GRIK1: variants seen among roughly 807,000 people sequenced by gnomAD.
The protein encoded by GRIK1 is glutamate ionotropic receptor kainate type subunit 1.
A neutral mutation model predicts 105.7 loss-of-function variants in GRIK1; 69 were observed. That is an observed-to-expected ratio of 0.65 (90% CI 0.54 to 0.80). GRIK1 has a LOEUF of 0.80. Ranked by LOEUF, GRIK1 falls within the 30% of genes least tolerant of loss-of-function variation. GRIK1 has a pLI of 0.00. For synonymous variants in GRIK1, 438 were observed against 431.3 expected, an observed-to-expected ratio of 1.02 and a Z score of -0.19; for missense variants, 1,109 against 1,167.3, an observed-to-expected ratio of 0.95 and a Z score of 0.73.
At chr21:29,809,669 C>T (rs2066957701) in intron 1 of GRIK1, among the ~76,000 whole-genome samples, 1 of 152,200 alleles carries the variant, frequency 6.6e-6, no homozygotes, top group Non-Finnish European at 1.5e-5. Flanking sequence ...TTTTCTCTTG[C>T]ATTCACAACT....
intron 1 of GRIK1, among the ~76,000 whole-genome samples, chr21:29,855,500 C>T (rs1019069292): frequency 6.6e-6 from 1 of 152,142 alleles, no homozygotes; most frequent in Non-Finnish European, 1.5e-5. Context: ...GAAATAAGCC[C>T]AGCATCTTAG....
At chr21:29,735,846 C>CA (rs34778018) in intron 1 of GRIK1, among the ~76,000 whole-genome samples, 20 of 101,260 alleles carry the variant, frequency 2.0e-4, no homozygotes, top group Non-Finnish European at 2.7e-4. Context: ...GACTCCGTCT[C>CA]AAAAAAAAAA....
At chr21:29,562,301 C>G (rs1262103259) in intron 14 of GRIK1, among the ~76,000 whole-genome samples, 1 of 152,172 alleles carries the variant, frequency 6.6e-6, no homozygotes, top group Non-Finnish European at 1.5e-5. Flanking sequence ...CTGTCATTCA[C>G]TCTTCTCTTT....
intron 7 of GRIK1, among the ~76,000 whole-genome samples, chr21:29,606,209 T>G (rs751953527): frequency 3.5e-4 from 53 of 152,296 alleles, no homozygotes; most frequent in Non-Finnish European, 4.9e-4. Context: ...TGTAAATGAT[T>G]TCCATCTAAT....
intron 1 of GRIK1, chr21:29,748,894 G>C (rs1434308243): frequency 6.6e-6 from 1 of 152,158 alleles, no homozygotes; most frequent in Non-Finnish European, 1.5e-5. Context: ...CAGACTCCTG[G>C]GCAGCGAACA....
At chr21:29,722,579 TAA>T (rs748557269) in intron 1 of GRIK1, among the ~76,000 whole-genome samples, 11 of 111,848 alleles carry the variant, frequency 9.8e-5, no homozygotes, top group Middle Eastern at 4.5e-3. Flanking sequence ...TAAATAAAAG[TAA>T]AAAAAAAAAA....
intron 1 of GRIK1, among the ~76,000 whole-genome samples, chr21:29,854,815 G>T (rs553808981): frequency 6.6e-6 from 1 of 151,954 alleles, no homozygotes; most frequent in African/African-American, 2.4e-5. Flanking sequence ...ACTCTTCCTT[G>T]ATCAAAGTTA....
At chr21:29,893,297 G>A (rs7509876) in intron 1 of GRIK1, among the ~76,000 whole-genome samples, 22,742 of 151,810 alleles carry the variant, frequency 0.15, 1,765 homozygotes, top group Non-Finnish European at 0.18. Context: ...TGATTTTCTC[G>A]GTTTCTTCAT....
At chr21:29,786,278 C>G (rs1388799610) in intron 1 of GRIK1, among the ~76,000 whole-genome samples, 4 of 152,320 alleles carry the variant, frequency 2.6e-5, no homozygotes, top group African/African-American at 9.6e-5. Flanking sequence ...TGAGCCACAG[C>G]GCCCAGCCTC....
intron 16 of GRIK1, among the ~76,000 whole-genome samples, chr21:29,554,601 T>C (rs2090202236): frequency 6.6e-6 from 1 of 152,212 alleles, no homozygotes; most frequent in South Asian, 2.1e-4. Context: ...TTCAATTTCG[T>C]AGTATGACTT....
intron 4 of GRIK1, among the ~76,000 whole-genome samples, chr21:29,666,914 A>G (rs557568053): frequency 6.6e-6 from 1 of 152,256 alleles, no homozygotes; most frequent in Non-Finnish European, 1.5e-5. Flanking sequence ...CAGACCTGCC[A>G]CTTGCTAGCT....
In GRIK1 at chr21:29,560,519, C is replaced by CTTTCTTT. The variant is rs1568815488; in HGVS notation, c.2356+1104_2356+1105insAAAGAAA. On this transcript the variant is annotated intron_variant, in intron 15 of 17. Transcript: ENST00000327783. ...TCTTTCCTTCCTTCCTTCCTTCCTTCCTTTCTTTCTTTCTTTCTTTCTTTC... is the reference window on the plus strand; with the variant it reads ...TCTTTCCTTCCTTCCTTCCTTCCTTCTTTCTTTCTTTCTTTCTTTCTTTCTTTCTTTC... Among the ~76,000 whole-genome samples, 563 of 57,788 alleles carry CTTTCTTT rather than the reference C, an allele frequency of 9.7e-3. 60 individuals are homozygous for CTTTCTTT. Among genetic ancestry groups the CTTTCTTT allele is most frequent in the Non-Finnish European group, 0.011 (371 of 32,860 alleles). 37.9% of individuals were successfully genotyped at this position (57,788 alleles called of 152,430 possible).
chr21:29,545,096 C>T (rs1568792941), intron 16 of GRIK1, among the ~76,000 whole-genome samples: 3 of 100,794 alleles, frequency 3.0e-5, no homozygotes, highest in Non-Finnish European at 8.2e-5. Context: ...CCCAAGGGTG[C>T]TCCAGAGCAG....
Position 29,537,403 on chromosome 21 carries a change from C to G in GRIK1, c.2695-18G>C. ...GAGAGACACTAGGGAACATGAGATA[C>G]AGACCATCAGCTTAATTAAGCCTAT... On this transcript the variant is annotated intron_variant, in intron 17 of 17. Coordinates refer to ENST00000327783, the MANE Select transcript of GRIK1 (RefSeq NM_001330994.2). 6.3e-7 allele frequency: 1 copy of G among 1,596,108 alleles called. No homozygotes were observed. The highest frequency in any genetic ancestry group is 1.4e-5 in the African/African-American group (1 of 74,010).
intron 9 of GRIK1, 52 bp from the exon 10 acceptor site, chr21:29,591,277 C>G: frequency 9.5e-7 from 1 of 1,047,122 alleles, no homozygotes; most frequent in Non-Finnish European, 1.5e-6. Context: ...GTGGCATTTA[C>G]ACCAAAGAGA....
intron 1 of GRIK1, among the ~76,000 whole-genome samples, chr21:29,887,704 T>A (rs2069686684): frequency 6.6e-6 from 1 of 152,158 alleles, no homozygotes; most frequent in Admixed American, 6.6e-5. Flanking sequence ...CTTTTCCCTC[T>A]TCCTTCCTCA....
At chr21:29,690,185 TGATA>T (rs1488227441) in intron 2 of GRIK1, among the ~76,000 whole-genome samples, 200 bp from the exon 3 acceptor site, 18 of 152,248 alleles carry the variant, frequency 1.2e-4, no homozygotes, top group African/African-American at 4.1e-4. Flanking sequence ...GCTAATGTAC[TGATA>T]GATGTAAACT....
chr21:29,782,352 T>C (rs545662335), intron 1 of GRIK1, among the ~76,000 whole-genome samples: 16 of 152,266 alleles, frequency 1.1e-4, no homozygotes, highest in South Asian at 4.1e-4. Context: ...TCCCAAAGTG[T>C]TGGGATTACA....
intron 7 of GRIK1, among the ~76,000 whole-genome samples, chr21:29,621,711 T>C (rs780078723): frequency 1.3e-5 from 2 of 152,052 alleles, no homozygotes; most frequent in African/African-American, 2.4e-5. Context: ...TGGTATGAAA[T>C]GGTCTTTTTT....
Sources: gnomAD v4.1 joint callset for allele counts (sites outside exome capture counted in the v4.1 genomes callset) on GRCh38, gnomAD v4.1.1 for gene constraint, MANE v1.5 for transcripts, NCBI Gene and HGNC (gene_info 2026-07-23, HGNC 2026-07-21) for gene names.